Variants in DCHS1 observed in about 807,000 individuals in gnomAD.
DCHS1 encodes the protein dachsous cadherin-related 1.
A neutral mutation model predicts 213.9 loss-of-function variants in DCHS1; 78 were observed. The ratio of observed to expected loss-of-function variants is 0.36; its 90% CI spans 0.30 to 0.44. The LOEUF (loss-of-function observed/expected upper bound fraction) is 0.44, where lower values mean the gene tolerates loss of function less well. Among genes scored for constraint, DCHS1 ranks in the 20% least tolerant of loss-of-function variants. The pLI, the probability that DCHS1 is intolerant of heterozygous loss-of-function variation, is 1.00. For synonymous variants in DCHS1, 1,828 were observed against 1,873.7 expected, an observed-to-expected ratio of 0.98 and a Z score of 0.63; for missense variants, 3,946 against 4,395.9, an observed-to-expected ratio of 0.90 and a Z score of 2.89.
In DCHS1 at chr11:6,623,733, C is replaced by G; in HGVS notation, c.7943G>C (p.Gly2648Ala). The change falls in exon 21 of 21, where the codon GGG (glycine) becomes GCG (alanine). Residue 2648 changes from glycine (G) to alanine (A), a missense_variant. By Grantham distance (60) the Gly-to-Ala change is moderately conservative. This residue lies in a region of DCHS1 where 3,384 missense variants were observed against 3,780.1 expected (regional missense o/e 0.90). Coordinates refer to ENST00000299441, the MANE Select transcript of DCHS1 (RefSeq NM_003737.4). Reference protein sequence around the residue: ...RFTVSSGDPSGLFELDESSGT... With the variant: ...RFTVSSGDPSALFELDESSGT... The stretch of plus-strand genomic sequence containing the variant: ...TGAGCTCTCATCCAGCTCAAAGAGC[C>G]CTGATGGGTCGCCTGAGCTGACAGT... The G allele has an allele frequency of 6.2e-7, 1 of 1,613,878 alleles. No homozygotes were observed. The highest frequency in any genetic ancestry group is 1.7e-5 in the Admixed American group (1 of 60,024).
intron 1 of DCHS1, among the ~76,000 whole-genome samples, chr11:6,649,174 A>C (rs1358220005): frequency 1.3e-5 from 2 of 151,412 alleles, no homozygotes; most frequent in Non-Finnish European, 2.9e-5. Flanking sequence ...CTGAGGGCTC[A>C]AAGAAGGTAG....
At chr11:6,635,564 C>T (rs970003357) in intron 2 of DCHS1, among the ~76,000 whole-genome samples, 1 of 152,168 alleles carries the variant, frequency 6.6e-6, no homozygotes, top group Non-Finnish European at 1.5e-5. Context: ...GTGGCCCAGA[C>T]CCTTGACAGA....
rs768801519 is a variant in DCHS1, at chr11:6,634,110, T to G, written c.1986+8A>C. Reference sequence around the variant, plus strand: ...ACATCCCAACCTGCCCTTGGTCTACTGACTTACCCCATCCACAGCTGTCAC... The same window carrying G: ...ACATCCCAACCTGCCCTTGGTCTACGGACTTACCCCATCCACAGCTGTCAC... On this transcript the variant is annotated splice_region_variant and intron_variant, in intron 3 of 20. Coordinates refer to ENST00000299441, the MANE Select transcript of DCHS1 (RefSeq NM_003737.4). 3 of 1,599,330 alleles carry G rather than the reference T, an allele frequency of 1.9e-6. No homozygotes were observed. Among genetic ancestry groups the G allele is most frequent in the East Asian group, 4.5e-5 (2 of 44,686 alleles).
intron 1 of DCHS1, among the ~76,000 whole-genome samples, chr11:6,654,808 G>T (rs1327069441): frequency 6.6e-6 from 1 of 152,036 alleles, no homozygotes; most frequent in Non-Finnish European, 1.5e-5. Flanking sequence ...TGACCTTGTG[G>T]CTGTGGGCCC....
intron 2 of DCHS1, among the ~76,000 whole-genome samples, chr11:6,638,173 C>A (rs935898735): frequency 2.0e-5 from 3 of 152,148 alleles, no homozygotes; most frequent in Non-Finnish European, 4.4e-5. Context: ...AAGAGGTCAG[C>A]CAGGCCCAGA....
In DCHS1 at chr11:6,622,191, T is replaced by C; in HGVS notation, c.9485A>G (p.Asn3162Ser). The C allele has an allele frequency of 6.2e-7, 1 of 1,607,236 alleles. No individual in the cohort carries two copies. Residue 3162 changes from asparagine to serine, a missense_variant, in exon 21 of 21, where the codon AAC becomes AGC. Physicochemically the swap from Asn to Ser is conservative, Grantham distance 46. Coordinates refer to ENST00000299441, the MANE Select transcript of DCHS1 (RefSeq NM_003737.4). This position sits in a 1 kb window ranked among gnomAD's most constrained non-coding sequence, Gnocchi z 5.4. ...GCACCAGCTCAGCAGGTAGTCCCAG[T>C]TATAGCTGCCACGGAGCTCCTCCTC... Reference protein sequence around the residue: ...AGEEELRGSYNWDYLLSWCPQ... With the variant: ...AGEEELRGSYSWDYLLSWCPQ...
At position 6,633,468 on chromosome 11, in the gene DCHS1, G is replaced by A; in HGVS notation, c.2399C>T (p.Pro800Leu). The A allele has an allele frequency of 6.4e-7, 1 of 1,573,452 alleles. No individual in the cohort carries two copies. Among genetic ancestry groups the A allele is most frequent in the Non-Finnish European group, 8.6e-7 (1 of 1,158,540 alleles). The change falls in exon 5 of 21, where the codon CCA becomes CTA. Residue 800 changes from proline to leucine, a missense_variant. Pro to Leu is a moderately conservative substitution (Grantham distance 98, BLOSUM62 -3). Around this residue, in one of 3 missense-constraint regions of DCHS1, gnomAD observed 3,384 missense variants for 3,780.1 expected, o/e 0.90. Coordinates refer to ENST00000299441, the MANE Select transcript of DCHS1 (RefSeq NM_003737.4). The part of the protein sequence containing the change: ...FEQLQYVFSV[P>L]EDVAPGTSVG... The stretch of plus-strand genomic sequence containing the variant: ...ACTGGTGCCTGGTGCCACATCCTCT[G>A]GCACAGAAAAAACATACTGTAGTTG...
chr11:6,646,361 G>C (rs1856155204), intron 1 of DCHS1, among the ~76,000 whole-genome samples: 1 of 152,074 alleles, frequency 6.6e-6, no homozygotes, highest in Non-Finnish European at 1.5e-5. Flanking sequence ...AAGCCTTCCA[G>C]TTCCAAACTC....
rs1484537905 is a variant in DCHS1 at position 6,621,958 on chromosome 11, T to C, written c.9718A>G (p.Ser3240Gly). The C allele has an allele frequency of 1.2e-6, 2 of 1,612,804 alleles. No individual in the cohort carries two copies. Among genetic ancestry groups the C allele is most frequent in the African/African-American group, 1.3e-5 (1 of 74,592 alleles). ...GCTGAGGACAGGGAGCCTTCATGGC[T>C]GATGGGGGAGCGGTGAGAAGCTGGT... is the stretch of plus-strand genomic sequence containing the variant. Reference protein sequence around the residue: ...FPPASHRSPISHEGSLSSAAM... With the variant: ...FPPASHRSPIGHEGSLSSAAM... Residue 3240 changes from serine to glycine, a missense_variant, in exon 21 of 21, where the codon AGC becomes GGC. Physicochemically the swap from Ser to Gly is moderately conservative, Grantham distance 56. Coordinates refer to ENST00000299441, the MANE Select transcript of DCHS1 (RefSeq NM_003737.4).
intron 1 of DCHS1, among the ~76,000 whole-genome samples, chr11:6,643,449 G>C (rs1274899578): frequency 1.3e-5 from 2 of 151,978 alleles, no homozygotes; most frequent in African/African-American, 2.4e-5. Context: ...CCTTTTATCG[G>C]GTTATTCTGG....
Position 6,633,647 on chromosome 11 carries a change from C to A in DCHS1, c.2220G>T (p.Gly740=), listed in dbSNP as rs1337902403. Residue 740 remains glycine (G), a splice_region_variant and synonymous_variant, in exon 5 of 21, where the codon GGG becomes GGT. Transcript: ENST00000299441. ...CCAAGGGCCAGGCTACTGTCAACAGCCCTGAGAGGAAGAATAGAAGCAGAG... is the reference window on the plus strand; with the variant it reads ...CCAAGGGCCAGGCTACTGTCAACAGACCTGAGAGGAAGAATAGAAGCAGAG... ...PPLFTLDEQS[G]LLTVAWPLAR... 1.2e-6 allele frequency: 2 copies of A among 1,602,744 alleles called. No homozygotes were observed. The highest frequency in any genetic ancestry group is 1.7e-6 in the Non-Finnish European group (2 of 1,174,276).
In DCHS1 at chr11:6,631,809, C is replaced by T. The variant is rs1245276761; in HGVS notation, c.3482G>A (p.Gly1161Glu). 6.6e-7 allele frequency: 1 copy of T among 1,522,168 alleles called. No individual in the cohort carries two copies. The highest frequency in any genetic ancestry group is 8.8e-7 in the Non-Finnish European group (1 of 1,134,206). The allele number at this position is 1,522,168 out of a possible 1,614,324, so 94.3% of individuals were successfully genotyped here. A position where few individuals can be genotyped will look rare whatever the true frequency, so the allele number is the denominator to read the frequency against. The change falls in exon 7 of 21, where the codon GGA (glycine) becomes GAA (glutamate). Residue 1161 changes from glycine (G) to glutamate (E), a missense_variant and splice_region_variant. Gly to Glu is a moderately conservative substitution (Grantham distance 98). This residue lies in a region of DCHS1 where 3,384 missense variants were observed against 3,780.1 expected (regional missense o/e 0.90). Coordinates refer to ENST00000299441, the MANE Select transcript of DCHS1 (RefSeq NM_003737.4). ...CAGGGTTTGGAGTGTGGTCACTTCT[C>T]CTGGGAGTGCAAGAAGGCGATCATG... is the stretch of plus-strand genomic sequence containing the variant. ...SKAFRIHPQT[G>E]EVTTLQTLDR...
Position 6,627,557 on chromosome 11 carries a change from G to A in DCHS1, c.5482C>T (p.Arg1828Trp), listed in dbSNP as rs574706163. ...EPAFQLRIEA[R>W]DGGQPALSAT... ...CTGAGAGCTGGCTGGCCTCCATCCC[G>A]GGCCTCTATCCTCAGCTGGAAAGCT... The change falls in exon 14 of 21, where the codon CGG becomes TGG. Residue 1828 changes from arginine to tryptophan, a missense_variant. Around this residue, in one of 3 missense-constraint regions of DCHS1, gnomAD observed 3,384 missense variants for 3,780.1 expected, o/e 0.90. Coordinates refer to ENST00000299441, the MANE Select transcript of DCHS1 (RefSeq NM_003737.4). The surrounding 1 kb of genome is among the most constrained non-coding windows in gnomAD (Gnocchi z 5.4). 42 of 1,612,654 alleles carry A rather than the reference G, an allele frequency of 2.6e-5. No individual in the cohort carries two copies. Among genetic ancestry groups the A allele is most frequent in the East Asian group, 8.9e-5 (4 of 44,852 alleles).
intron 1 of DCHS1, among the ~76,000 whole-genome samples, chr11:6,646,072 G>C (rs1176158999): frequency 2.0e-5 from 3 of 151,540 alleles, no homozygotes; most frequent in African/African-American, 7.3e-5. Flanking sequence ...CTTTCTCATG[G>C]CCCTCACACC....
chr11:6,650,560 G>A (rs1856228891), intron 1 of DCHS1, among the ~76,000 whole-genome samples: 1 of 152,184 alleles, frequency 6.6e-6, no homozygotes, highest in Non-Finnish European at 1.5e-5. Flanking sequence ...GAGGGAAGAA[G>A]AAAAGAGTAC....
chr11:6,629,742 G>A lies in DCHS1; in HGVS notation c.4965C>T (p.Ser1655=). The change falls in exon 11 of 21, where the codon AGC becomes AGT. Residue 1655 remains serine (S), a synonymous_variant. Transcript: ENST00000299441. The part of the protein sequence containing the change: ...EAPTFQQQEY[S]VLLRENNPPG... ...GAGGGTTGTTCTCACGCAAGAGGAC[G>A]CTGTACTCCTGCTGCTGGAAAGTAG... 1.2e-6 allele frequency: 2 copies of A among 1,613,870 alleles called. No homozygotes were observed. The highest frequency in any genetic ancestry group is 1.7e-6 in the Non-Finnish European group (2 of 1,179,886).
chr11:6,654,961 C>G (rs376182671), intron 1 of DCHS1, among the ~76,000 whole-genome samples: 1 of 150,240 alleles, frequency 6.7e-6, no homozygotes, highest in African/African-American at 2.5e-5. Context: ...CCCAGTTGCT[C>G]CAATCTCCCA....
rs745571652 is a variant in DCHS1, at chr11:6,627,697, T to G, written c.5372-30A>C. On this transcript the variant is annotated intron_variant, in intron 13 of 20. Transcript: ENST00000299441. The surrounding 1 kb of genome is among the most constrained non-coding windows in gnomAD (Gnocchi z 5.4). Reference sequence around the variant, plus strand: ...AGAGAAGGGCATGCACATATAAATATACATGTGTCGTGGGGATGGGGGTGA... The same window carrying G: ...AGAGAAGGGCATGCACATATAAATAGACATGTGTCGTGGGGATGGGGGTGA... 1.4e-4 allele frequency: 220 copies of G among 1,594,306 alleles called. 3 individuals carry two copies. The South Asian group carries it at 2.3e-3, about 17-fold the overall frequency.
rs1855813699 is a variant in DCHS1 at position 6,626,856 on chromosome 11, T to A, written c.6183A>T (p.Glu2061Asp). The A allele has an allele frequency of 6.2e-7, 1 of 1,613,450 alleles. No homozygotes were observed. Among genetic ancestry groups the A allele is most frequent in the African/African-American group, 1.3e-5 (1 of 75,034 alleles). The change falls in exon 14 of 21, where the codon GAA (glutamate) becomes GAT (aspartate). Residue 2061 changes from glutamate (E) to aspartate (D), a missense_variant. By Grantham distance (45) the Glu-to-Asp change is conservative. Transcript: ENST00000299441. This position sits in a 1 kb window ranked among gnomAD's most constrained non-coding sequence, Gnocchi z 5.2. The stretch of plus-strand genomic sequence containing the variant: ...GGGGAAAGCGGGGTCCACGCTCAGC[T>A]TCCCCCTGCAGTCCAACAATGATCA... ...TGVIIVGLQG[E>D]AERGPRFPRA...
Sources: allele counts gnomAD v4.1 joint callset (sites outside exome capture counted in the v4.1 genomes callset), GRCh38; gene constraint gnomAD v4.1.1; regional missense constraint gnomAD v4.1.1; non-coding constraint Gnocchi (gnomAD v3.1); transcripts MANE v1.5; gene names NCBI Gene and HGNC (gene_info 2026-07-23, HGNC 2026-07-21).